The following SSUH2 variants were observed in gnomAD, a reference collection of about 807,000 sequenced individuals.
SSUH2 encodes the protein protein SSUH2 homolog.
In SSUH2, 47 loss-of-function variants were observed where a neutral mutation model predicts 55.3. That is an observed-to-expected ratio of 0.85 (90% confidence interval 0.67 to 1.08). The LOEUF (loss-of-function observed/expected upper bound fraction) is 1.08, where lower values mean the gene tolerates loss of function less well. Among genes scored for constraint, SSUH2 ranks in the 50% least tolerant of loss-of-function variants. SSUH2 has a pLI of 0.00. For missense variants in SSUH2, 535 were observed against 490.7 expected, an observed-to-expected ratio of 1.09 and a Z score of -0.85; for synonymous variants, 212 against 191.5, an observed-to-expected ratio of 1.11 and a Z score of -0.89.
At chr3:8,664,977 C>G (rs1055132723) in intron 5 of SSUH2, among the ~76,000 whole-genome samples, 1 of 152,216 alleles carries the variant, frequency 6.6e-6, no homozygotes, top group African/African-American at 2.4e-5. Context: ...CTGCAGACCC[C>G]TCCCTTAAAA....
chr3:8,659,206 T>C (rs189567192), intron 6 of SSUH2, among the ~76,000 whole-genome samples: 1 of 152,344 alleles, frequency 6.6e-6, no homozygotes, highest in African/African-American at 2.4e-5. Flanking sequence ...TGGTTGCTTT[T>C]TTTTTAAAAG....
At chr3:8,641,575 A>G (rs1700852920) in intron 1 of SSUH2, among the ~76,000 whole-genome samples, 1 of 152,176 alleles carries the variant, frequency 6.6e-6, no homozygotes, top group African/African-American at 2.4e-5. Context: ...TAGATGCTGT[A>G]TCTTCCTATT....
intron 6 of SSUH2, chr3:8,659,893 T>C (rs1703306645): frequency 2.3e-6 from 1 of 429,154 alleles, no homozygotes; most frequent in African/African-American, 2.0e-5. Flanking sequence ...TGGGAATCTT[T>C]CCAGGGAAGC....
chr3:8,629,594 G>C, intron 7 of SSUH2, 70 bp downstream of exon 7: 4 of 1,043,550 alleles, frequency 3.8e-6, no homozygotes, highest in Non-Finnish European at 5.8e-6. Flanking sequence ...CACCAGCCCA[G>C]CCCGCTGTCC....
chr3:8,670,053 A>AT (rs1704376757), intron 5 of SSUH2, among the ~76,000 whole-genome samples: 1 of 152,050 alleles, frequency 6.6e-6, no homozygotes, highest in African/African-American at 2.4e-5. Context: ...TTGAGTCCAC[A>AT]GTGCTTGCAC....
At chr3:8,664,001 TG>T (rs917443150) in intron 5 of SSUH2, 1 of 354,364 alleles carries the variant, frequency 2.8e-6, no homozygotes, top group African/African-American at 2.1e-5. Context: ...AGGGAAGTGC[TG>T]GGAGACCCAG....
At chr3:8,654,738 G>A (rs183571028) in intron 7 of SSUH2, among the ~76,000 whole-genome samples, 20 of 152,052 alleles carry the variant, frequency 1.3e-4, no homozygotes, top group Admixed American at 3.3e-4. Flanking sequence ...CAAGGTCTCA[G>A]TGTGTGGCCT....
intron 2 of SSUH2, among the ~76,000 whole-genome samples, chr3:8,677,903 C>T (rs548239482): frequency 3.3e-5 from 5 of 150,990 alleles, no homozygotes; most frequent in South Asian, 2.1e-4. Context: ...ATCATCTCCC[C>T]CTCTGGAGAT....
chr3:8,633,886 A>G, intron 3 of SSUH2, 91 bp from the exon 4 acceptor site: 1 of 1,613,974 alleles, frequency 6.2e-7, no homozygotes, highest in Non-Finnish European at 8.5e-7. Context: ...GCAGGCGAGA[A>G]ACTGAGGCCA....
In SSUH2 at chr3:8,630,949, T is replaced by G. The variant is rs746603298; in HGVS notation, c.401-20A>C. On this transcript the variant is annotated intron_variant, in intron 5 of 11. Coordinates refer to ENST00000544814, the MANE Select transcript of SSUH2 (RefSeq NM_001256748.3). ...AGTGGTCTGACACAGAAAGGGGTCA[T>G]TGTAAGAATGACGAAGGGCAGCAGG... The G allele has an allele frequency of 7.3e-7, 1 of 1,362,248 alleles. No individual in the cohort carries two copies. Among genetic ancestry groups the G allele is most frequent in the Non-Finnish European group, 9.5e-7 (1 of 1,047,910 alleles). 84.4% of individuals were successfully genotyped at this position (1,362,248 alleles called of 1,614,324 possible). A position where few individuals can be genotyped will look rare whatever the true frequency, so the allele number is the denominator to read the frequency against.
chr3:8,623,693 G>C (rs762317275), intron 10 of SSUH2, 37 bp from the exon 11 acceptor site: 4 of 1,129,386 alleles, frequency 3.5e-6, no homozygotes, highest in South Asian at 1.5e-5. Flanking sequence ...CCACCTGGCT[G>C]CCGCACCTGG....
At chr3:8,634,598 T>G (rs955196462) in intron 3 of SSUH2, 18 of 1,289,454 alleles carry the variant, frequency 1.4e-5, no homozygotes, top group Non-Finnish European at 1.7e-5. Context: ...AGAGACACTG[T>G]GGGCTGGAGA....
chr3:8,658,018 T>C (rs1703104144), intron 7 of SSUH2, among the ~76,000 whole-genome samples: 1 of 152,170 alleles, frequency 6.6e-6, no homozygotes, highest in African/African-American at 2.4e-5. Flanking sequence ...GGGGAGACAG[T>C]GAGGGAGGTG....
At chr3:8,622,553 C>T (rs1408538657) in intron 11 of SSUH2, among the ~76,000 whole-genome samples, 2 of 152,178 alleles carry the variant, frequency 1.3e-5, no homozygotes. Flanking sequence ...TGTCGACAGG[C>T]CCCTTTGAAT....
chr3:8,648,681 C>G (rs1214996433), upstream of SSUH2, among the ~76,000 whole-genome samples: 1 of 152,168 alleles, frequency 6.6e-6, no homozygotes, highest in Non-Finnish European at 1.5e-5. Context: ...TCCTCCAGGC[C>G]ACAGTGCCCC....
At chr3:8,626,626 G>A (rs1367027535) in intron 8 of SSUH2, among the ~76,000 whole-genome samples, 2 of 150,362 alleles carry the variant, frequency 1.3e-5, no homozygotes, top group Non-Finnish European at 2.9e-5. Flanking sequence ...TGGTCTCAGT[G>A]GCTGATACAA....
At chr3:8,657,596 G>A (rs925098551) in intron 7 of SSUH2, among the ~76,000 whole-genome samples, 1 of 152,172 alleles carries the variant, frequency 6.6e-6, no homozygotes, top group Admixed American at 6.5e-5. Flanking sequence ...AGGAGGCGAG[G>A]CTGACACTGG....
intron 5 of SSUH2, among the ~76,000 whole-genome samples, chr3:8,664,316 ATCCAT>A (rs1559518208): frequency 6.6e-6 from 1 of 152,150 alleles, no homozygotes; most frequent in Non-Finnish European, 1.5e-5. Context: ...TCTGCCACAG[ATCCAT>A]GGGGCAGGAA....
intron 5 of SSUH2, among the ~76,000 whole-genome samples, chr3:8,631,759 T>G (rs140717783): frequency 6.6e-6 from 1 of 152,054 alleles, no homozygotes; most frequent in Non-Finnish European, 1.5e-5. Context: ...TAGACACGCA[T>G]GCTGCTTTAC....
Sources: allele counts gnomAD v4.1 joint callset (sites outside exome capture counted in the v4.1 genomes callset), GRCh38; gene constraint gnomAD v4.1.1; transcripts MANE v1.5; gene names NCBI Gene and HGNC (gene_info 2026-07-23, HGNC 2026-07-21).